Variants in CPSF6 observed in about 807,000 individuals in gnomAD.
CPSF6 encodes cleavage and polyadenylation specific factor 6, also known as cleavage and polyadenylation specificity factor subunit 6.
CPSF6 carries 10 observed loss-of-function variants against 56.7 expected under a neutral mutation model. The ratio of observed to expected loss-of-function variants is 0.18; its 90% CI spans 0.11 to 0.30. CPSF6 has a LOEUF of 0.30. CPSF6 is among the 10% of genes least tolerant of loss of function. The pLI is 1.00. For missense variants in CPSF6, 419 were observed against 722.9 expected, an observed-to-expected ratio of 0.58 and a Z score of 4.82; for synonymous variants, 248 against 244.8, an observed-to-expected ratio of 1.01 and a Z score of -0.12.
At chr12:69,257,935 A>G (rs747248431) in intron 5 of CPSF6, 30 bp downstream of exon 5, 4 of 1,594,194 alleles carry the variant, frequency 2.5e-6, no homozygotes, top group Non-Finnish European at 2.6e-6. Flanking sequence ...ACCATGGATA[A>G]AACATGTCTA....
intron 9 of CPSF6, among the ~76,000 whole-genome samples, chr12:69,265,277 A>G (rs374198957): frequency 3.9e-5 from 6 of 152,198 alleles, no homozygotes; most frequent in South Asian, 2.1e-4. Context: ...TTCTCAGACC[A>G]CTCTGAGCAA....
At position 69,258,447 on chromosome 12, in the gene CPSF6, G is replaced by A. The variant is rs1872599502; in HGVS notation, c.695-143G>A. ...GATATACTTCATTGTAGTTGGTAGT[G>A]TAACATTTACCATACGGGTTTAATT... On this transcript the variant is annotated intron_variant, in intron 5 of 9. Coordinates refer to ENST00000435070, the MANE Select transcript of CPSF6 (RefSeq NM_007007.3). This position sits in a 1 kb window ranked among gnomAD's most constrained non-coding sequence, Gnocchi z 4.2. 7.1e-6 allele frequency: 6 copies of A among 844,328 alleles called. No homozygotes were observed. The highest frequency in any genetic ancestry group is 1.8e-6 in the Non-Finnish European group (1 of 566,430). 52.3% of individuals were successfully genotyped at this position (844,328 alleles called of 1,614,324 possible). A position where few individuals can be genotyped will look rare whatever the true frequency, so the allele number is the denominator to read the frequency against.
chr12:69,257,375 T>C (rs1872554791), intron 4 of CPSF6, among the ~76,000 whole-genome samples: 1 of 152,258 alleles, frequency 6.6e-6, no homozygotes, highest in South Asian at 2.1e-4. Flanking sequence ...TTTCTTTTAA[T>C]GTTTTAGCAC....
At chr12:69,240,210 C>G (rs978427453) in intron 1 of CPSF6, among the ~76,000 whole-genome samples, 7 of 152,192 alleles carry the variant, frequency 4.6e-5, no homozygotes, top group Non-Finnish European at 1.0e-4. Flanking sequence ...TCTCCCTGCC[C>G]GCGCACTGTC....
Position 69,251,110 on chromosome 12 carries a change from C to T in CPSF6, c.61-19C>T, listed in dbSNP as rs1165620698. On this transcript the variant is annotated intron_variant, in intron 1 of 9. Coordinates refer to ENST00000435070, the MANE Select transcript of CPSF6 (RefSeq NM_007007.3). ...ATTTTGACTTTTGTATAATCTAGAG[C>T]ATTATTTCTGTATCTCAGGAAGCTG... is the stretch of plus-strand genomic sequence containing the variant. 2 of 1,600,128 alleles carry T rather than the reference C, an allele frequency of 1.2e-6. No homozygotes were observed. The highest frequency in any genetic ancestry group is 8.5e-7 in the Non-Finnish European group (1 of 1,170,094).
At chr12:69,247,840 T>A (rs1464683707) in intron 1 of CPSF6, among the ~76,000 whole-genome samples, 1 of 152,206 alleles carries the variant, frequency 6.6e-6, no homozygotes, top group African/African-American at 2.4e-5. Flanking sequence ...TGCTTTGAGT[T>A]TCATTTTTAG....
chr12:69,249,152 CGGGGGGGG>C (rs548477892), intron 1 of CPSF6, among the ~76,000 whole-genome samples: 198 of 16,480 alleles, frequency 0.012, 3 homozygotes, highest in East Asian at 0.06. Context: ...CCCAGCTACT[CGGGGGGGG>C]GGGGGGGGGC....
At chr12:69,260,729 C>T (rs1872708653) in intron 8 of CPSF6, among the ~76,000 whole-genome samples, 1 of 152,214 alleles carries the variant, frequency 6.6e-6, no homozygotes, top group African/African-American at 2.4e-5. Context: ...TATTTTTCCT[C>T]ATTAGAACAC....
Position 69,259,464 on chromosome 12 carries a change from T to C in CPSF6, c.1236T>C (p.Ala412=). 1 of 1,613,820 alleles carries C rather than the reference T, an allele frequency of 6.2e-7. No homozygotes were observed. Residue 412 remains alanine, a synonymous_variant, in exon 7 of 10, where the codon GCT becomes GCC. Coordinates refer to ENST00000435070, the MANE Select transcript of CPSF6 (RefSeq NM_007007.3). ...CTGCAAGAACGCCATTGAGTGAAGCTGAATTTGAAGAAATCATGAATAGAA... is the reference window on the plus strand; with the variant it reads ...CTGCAAGAACGCCATTGAGTGAAGCCGAATTTGAAGAAATCATGAATAGAA... ...MDTARTPLSE[A]EFEEIMNRNR...
chr12:69,245,099 A>T (rs939947107), intron 1 of CPSF6, among the ~76,000 whole-genome samples: 8 of 47,012 alleles, frequency 1.7e-4, no homozygotes, highest in Admixed American at 3.9e-4. Flanking sequence ...CTCTATTTAA[A>T]AAAAAAAAAA....
chr12:69,262,711 T>A, intron 9 of CPSF6, 149 bp downstream of exon 9: 1 of 1,047,954 alleles, frequency 9.5e-7, no homozygotes, highest in Non-Finnish European at 1.3e-6. Flanking sequence ...AAACAAATTA[T>A]AGGTAAGTAA....
Position 69,258,189 on chromosome 12 carries a change from T to A in CPSF6, c.694+284T>A. 2 of 1,046,376 alleles carry A rather than the reference T, an allele frequency of 1.9e-6. No individual in the cohort carries two copies. The highest frequency in any genetic ancestry group is 2.8e-6 in the Non-Finnish European group (2 of 717,292). 64.8% of individuals were successfully genotyped at this position (1,046,376 alleles called of 1,614,324 possible). A position where few individuals can be genotyped will look rare whatever the true frequency, so the allele number is the denominator to read the frequency against. On this transcript the variant is annotated intron_variant, in intron 5 of 9. Coordinates refer to ENST00000435070, the MANE Select transcript of CPSF6 (RefSeq NM_007007.3). This position sits in a 1 kb window ranked among gnomAD's most constrained non-coding sequence, Gnocchi z 4.2. ...ACTTGCTTGACTTATATATAGAATA[T>A]TTACATCCGTCTTACTTTCTTACCT...
chr12:69,250,578 A>T (rs938286290), intron 1 of CPSF6, among the ~76,000 whole-genome samples: 1 of 138,702 alleles, frequency 7.2e-6, no homozygotes, highest in Non-Finnish European at 1.5e-5. Context: ...ATGTAGCGAG[A>T]CCTGGTCTCT....
intron 2 of CPSF6, among the ~76,000 whole-genome samples, chr12:69,251,666 T>TG (rs1379578365): frequency 6.6e-6 from 1 of 152,148 alleles, no homozygotes; most frequent in Non-Finnish European, 1.5e-5. Flanking sequence ...AATGCTCACA[T>TG]GGGGTCTCAA....
At chr12:69,252,735 G>C (rs1220804134) in intron 2 of CPSF6, among the ~76,000 whole-genome samples, 1 of 152,094 alleles carries the variant, frequency 6.6e-6, no homozygotes, top group Admixed American at 6.5e-5. Flanking sequence ...AAGTGAAATT[G>C]GTTTTATTCA....
At chr12:69,242,461 G>T (rs1017544522) in intron 1 of CPSF6, among the ~76,000 whole-genome samples, 1 of 152,206 alleles carries the variant, frequency 6.6e-6, no homozygotes, top group African/African-American at 2.4e-5. Context: ...CTAATTTGGG[G>T]ATAGATTGAG....
In CPSF6 at chr12:69,271,232, A is replaced by G. The variant is rs1188795996; in HGVS notation, c.*1724A>G. On this transcript the variant is annotated 3_prime_UTR_variant, in exon 10 of 10. Transcript: ENST00000435070. ...GATTTTTTAAAGCATTTTGTTGAAAATGCGGTTGCTTTTTTAACATTATTT... is the reference window on the plus strand; with the variant it reads ...GATTTTTTAAAGCATTTTGTTGAAAGTGCGGTTGCTTTTTTAACATTATTT... 1.3e-5 allele frequency: 2 copies of G among 152,182 alleles called. No homozygotes were observed. The highest frequency in any genetic ancestry group is 4.8e-5 in the African/African-American group (2 of 41,410). The allele number at this position is 152,182 out of a possible 1,614,324, so 9.4% of individuals were successfully genotyped here. A position where few individuals can be genotyped will look rare whatever the true frequency, so the allele number is the denominator to read the frequency against.
chr12:69,264,072 T>G (rs969897169), intron 9 of CPSF6, among the ~76,000 whole-genome samples: 3 of 152,104 alleles, frequency 2.0e-5, no homozygotes, highest in Non-Finnish European at 2.9e-5. Context: ...ATTTTAAAGA[T>G]GTAGCACTTT....
In CPSF6 at chr12:69,272,919, T is replaced by G; in HGVS notation, c.*3411T>G. On this transcript the variant is annotated 3_prime_UTR_variant, in exon 10 of 10. Coordinates refer to ENST00000435070, the MANE Select transcript of CPSF6 (RefSeq NM_007007.3). ...GTGTATGCGTTTTTTTAACCTTAAC[T>G]TCAGTTTAAACACTGGTGTATTTAT... 1 of 212,052 alleles carries G rather than the reference T, an allele frequency of 4.7e-6. No individual in the cohort carries two copies. The highest frequency in any genetic ancestry group is 9.8e-6 in the Non-Finnish European group (1 of 102,160). 13.1% of individuals were successfully genotyped at this position (212,052 alleles called of 1,614,324 possible).
Sources: gnomAD v4.1 joint callset for allele counts (sites outside exome capture counted in the v4.1 genomes callset) on GRCh38, gnomAD v4.1.1 for gene constraint, Gnocchi (gnomAD v3.1) non-coding constraint, MANE v1.5 for transcripts, NCBI Gene and HGNC (gene_info 2026-07-23, HGNC 2026-07-21) for gene names.